DRC3: variants seen among roughly 807,000 people sequenced by gnomAD.
DRC3 encodes the protein leucine rich repeat containing 48.
In DRC3, 45 loss-of-function variants were observed where a neutral mutation model predicts 57.6. That is an observed-to-expected ratio of 0.78 (90% CI 0.62 to 1.00). The LOEUF is 1.00. Among genes scored for constraint, DRC3 ranks in the 50% least tolerant of loss-of-function variants. DRC3 has a pLI of 0.00. For synonymous variants in DRC3, 257 were observed against 272.3 expected, an observed-to-expected ratio of 0.94 and a Z score of 0.55; for missense variants, 655 against 675.2, an observed-to-expected ratio of 0.97 and a Z score of 0.33.
intron 12 of DRC3, chr17:18,010,835 A>G (rs2044141060): frequency 2.8e-6 from 1 of 363,114 alleles, no homozygotes; most frequent in South Asian, 2.2e-5. Flanking sequence ...TGCCTGGTCA[A>G]GGACATGAAG....
chr17:17,985,018 C>T (rs2042894537), intron 4 of DRC3, among the ~76,000 whole-genome samples: 1 of 152,130 alleles, frequency 6.6e-6, no homozygotes, highest in African/African-American at 2.4e-5. Flanking sequence ...CACCTGGGCC[C>T]AGGTCTCTTG....
chr17:17,977,525 C>T (rs928296663), intron 2 of DRC3, 57 bp from the exon 3 acceptor site: 72 of 1,602,376 alleles, frequency 4.5e-5, no homozygotes, highest in Non-Finnish European at 5.7e-5. Flanking sequence ...TCAGCCAGAC[C>T]CTGCCCTCAA....
At chr17:17,992,616 C>G (rs1316727372) in intron 5 of DRC3, 149 bp from the exon 6 acceptor site, 3 of 778,408 alleles carry the variant, frequency 3.9e-6, no homozygotes, top group Non-Finnish European at 6.0e-6. Context: ...GGAACACCCC[C>G]ACGCCTGCAC....
Position 17,983,828 on chromosome 17 carries a change from A to G in DRC3, c.161A>G (p.Asn54Ser), listed in dbSNP as rs187632732. 8.1e-6 allele frequency: 13 copies of G among 1,607,782 alleles called. No homozygotes were observed. In the Admixed American group the frequency reaches 1.7e-4, roughly 21 times the overall value. The part of the protein sequence containing the change: ...DVLSLQLDFR[N>S]ILRIDNLWQF... ...CTGAAATCACCTTCCATTATTTCAGACATCCTCCGCATAGACAACCTCTGG... is the reference window on the plus strand; with the variant it reads ...CTGAAATCACCTTCCATTATTTCAGGCATCCTCCGCATAGACAACCTCTGG... Residue 54 changes from asparagine to serine, a missense_variant and splice_region_variant, in exon 4 of 14, where the codon AAC becomes AGC. Physicochemically the swap from Asn to Ser is conservative, Grantham distance 46. Transcript: ENST00000399187.
At chr17:18,007,238 T>A in intron 12 of DRC3, 91 bp downstream of exon 12, 1 of 633,318 alleles carries the variant, frequency 1.6e-6, no homozygotes, top group Non-Finnish European at 2.3e-6. Context: ...CCTGACAACC[T>A]CCCAGAGCCT....
rs750149905 is a variant in DRC3 at position 17,995,095 on chromosome 17, G to A, written c.808G>A (p.Gly270Ser). 53 of 1,613,158 alleles carry A rather than the reference G, an allele frequency of 3.3e-5. No individual in the cohort carries two copies. Among genetic ancestry groups the A allele is most frequent in the Non-Finnish European group, 4.2e-5 (50 of 1,179,300 alleles). ...GNNLSYLPGV[G>S]ELLETYKDKF... is the part of the protein sequence containing the mutation. ...CAATCTGTCCTACCTGCCTGGTGTC[G>A]GTGAGCTCCTTGAGACATATCCTTC... Residue 270 changes from glycine to serine, a missense_variant, in exon 8 of 14, where the codon GGT becomes AGT. Transcript: ENST00000399187.
At chr17:17,976,890 C>G (rs999050589) in intron 2 of DRC3, among the ~76,000 whole-genome samples, 1 of 152,150 alleles carries the variant, frequency 6.6e-6, no homozygotes, top group Non-Finnish European at 1.5e-5. Context: ...CTGCTTTTCT[C>G]TGTGCATCTG....
Position 17,992,751 on chromosome 17 carries a change from C to G in DRC3, c.445-14C>G. ...CAGCCAAGAAAATGGGCCTTTCTCC[C>G]TTTTTCTCCCCAGATCATCTACCTC... On this transcript the variant is annotated splice_polypyrimidine_tract_variant and intron_variant, in intron 5 of 13. Coordinates refer to ENST00000399187, the MANE Select transcript of DRC3 (RefSeq NM_031294.4). 6.2e-7 allele frequency: 1 copy of G among 1,611,258 alleles called. No individual in the cohort carries two copies. The highest frequency in any genetic ancestry group is 8.5e-7 in the Non-Finnish European group (1 of 1,178,454).
chr17:18,006,940 T>C, intron 11 of DRC3, 84 bp from the exon 12 acceptor site: 2 of 1,567,052 alleles, frequency 1.3e-6, no homozygotes, highest in Non-Finnish European at 1.7e-6. Flanking sequence ...CTTGGGCCCT[T>C]AAAGTCTGTC....
chr17:18,007,542 A>G, intron 12 of DRC3: 1 of 1,523,718 alleles, frequency 6.6e-7, no homozygotes, highest in Non-Finnish European at 8.8e-7. Context: ...GGGTGTTGGA[A>G]CCACCATTTC....
intron 12 of DRC3, chr17:18,011,574 G>C (rs1192535720): frequency 8.4e-5 from 14 of 166,776 alleles, no homozygotes; most frequent in Non-Finnish European, 1.3e-4. Flanking sequence ...TGGCCTCTGT[G>C]CCCAAGAAGA....
At chr17:17,975,811 T>C (rs2042360718) in intron 2 of DRC3, among the ~76,000 whole-genome samples, 1 of 152,126 alleles carries the variant, frequency 6.6e-6, no homozygotes, top group African/African-American at 2.4e-5. Flanking sequence ...TTGAAGGGTG[T>C]GGAGGCTATG....
chr17:18,016,665 A>G lies in DRC3; in HGVS notation c.1566A>G (p.Leu522=). 1 of 1,606,510 alleles carries G rather than the reference A, an allele frequency of 6.2e-7. No individual in the cohort carries two copies. Residue 522 remains leucine, a synonymous_variant, in exon 14 of 14, where the codon CTA becomes CTG. Coordinates refer to ENST00000399187, the MANE Select transcript of DRC3 (RefSeq NM_031294.4). ...ELDNLECGDI[L]D ...ACAACCTGGAATGTGGCGACATCCT[A>G]GACTAGATGAATGTCAGCCACAGGA...
chr17:18,015,487 GTTTCTA>G (rs2044325856), intron 12 of DRC3: 1 of 152,790 alleles, frequency 6.5e-6, no homozygotes, highest in Admixed American at 6.5e-5. Flanking sequence ...GAAGGTGGTT[GTTTCTA>G]ACAACTTTTT....
At chr17:18,001,558 T>A (rs2043732249) in intron 9 of DRC3, among the ~76,000 whole-genome samples, 1 of 152,102 alleles carries the variant, frequency 6.6e-6, no homozygotes, top group African/African-American at 2.4e-5. Context: ...ATTGTGTCAG[T>A]GAAATGAATG....
chr17:17,983,972 C>T (rs2042836724), intron 4 of DRC3, 28 bp downstream of exon 4: 1 of 1,448,812 alleles, frequency 6.9e-7, no homozygotes, highest in Non-Finnish European at 9.7e-7. Context: ...GTGTGTCCAC[C>T]CTAATCGAAG....
chr17:17,984,276 C>T (rs1333077854), intron 4 of DRC3, among the ~76,000 whole-genome samples: 1 of 152,172 alleles, frequency 6.6e-6, no homozygotes, highest in Admixed American at 6.5e-5. Context: ...AGATAACCAT[C>T]GACAGGTAAC....
intron 3 of DRC3, among the ~76,000 whole-genome samples, chr17:17,982,031 C>T (rs569317214): frequency 5.3e-5 from 8 of 151,464 alleles, no homozygotes; most frequent in African/African-American, 1.9e-4. Context: ...CTCACTCTGT[C>T]ATCCAGGCTG....
chr17:17,992,055 G>A (rs935871123), intron 5 of DRC3, among the ~76,000 whole-genome samples: 1 of 152,136 alleles, frequency 6.6e-6, no homozygotes, highest in African/African-American at 2.4e-5. Context: ...CTGGTGGATC[G>A]CTTGAGCCTA....
Sources: allele counts gnomAD v4.1 joint callset (sites outside exome capture counted in the v4.1 genomes callset), GRCh38; gene constraint gnomAD v4.1.1; transcripts MANE v1.5; gene names NCBI Gene and HGNC (gene_info 2026-07-23, HGNC 2026-07-21).